The following MED13L variants were observed in gnomAD, a reference collection of about 807,000 sequenced individuals.
MED13L encodes mediator of RNA polymerase II transcription subunit 13-like.
Under a neutral mutation model 220.9 loss-of-function variants are expected in MED13L, and 7 were observed. The observed-to-expected ratio is 0.03, with a 90% CI of 0.02 to 0.06. The LOEUF is 0.06. Ranked by LOEUF, MED13L falls within the 10% of genes least tolerant of loss-of-function variation. The pLI is 1.00. For synonymous variants in MED13L, 1,011 were observed against 1,015.2 expected, an observed-to-expected ratio of 1.00 and a Z score of 0.08; for missense variants, 1,965 against 2,760.5, an observed-to-expected ratio of 0.71 and a Z score of 6.46.
intron 29 of MED13L, among the ~76,000 whole-genome samples, chr12:115,964,387 C>T (rs1875993638): frequency 6.6e-6 from 1 of 152,164 alleles, no homozygotes; most frequent in Admixed American, 6.5e-5. Flanking sequence ...TCTACTGTCC[C>T]ACTTGAAGTC....
intron 2 of MED13L, among the ~76,000 whole-genome samples, chr12:116,141,937 C>T (rs754799273): frequency 1.2e-4 from 19 of 152,236 alleles, no homozygotes; most frequent in Middle Eastern, 3.4e-3. Context: ...CACTGCTCTT[C>T]CCCTTGCCCA....
intron 4 of MED13L, among the ~76,000 whole-genome samples, chr12:116,051,031 T>G (rs974883941): frequency 1.3e-5 from 2 of 152,182 alleles, no homozygotes; most frequent in African/African-American, 4.8e-5. Context: ...TAAATGTATA[T>G]TGTACAAAAC....
chr12:116,263,304 G>A (rs1872628686), intron 1 of MED13L, among the ~76,000 whole-genome samples: 1 of 152,048 alleles, frequency 6.6e-6, no homozygotes, highest in South Asian at 2.1e-4. Flanking sequence ...ATTAAACTAT[G>A]TAATCTGAAG....
At chr12:116,192,534 A>G (rs1881349884) in intron 2 of MED13L, among the ~76,000 whole-genome samples, 1 of 152,212 alleles carries the variant, frequency 6.6e-6, no homozygotes, top group African/African-American at 2.4e-5. Context: ...CTGTAACATC[A>G]TAGGACTTAT....
chr12:116,256,956 T>C (rs1872115164), intron 1 of MED13L, among the ~76,000 whole-genome samples: 1 of 152,230 alleles, frequency 6.6e-6, no homozygotes, highest in Admixed American at 6.5e-5. Context: ...ATTACAGGCA[T>C]GAGCCACCGT....
Position 116,019,260 on chromosome 12 carries a change from G to A in MED13L, c.973C>T (p.Leu325=). The change falls in exon 7 of 31, where the codon CTG becomes TTG. Residue 325 remains leucine, a synonymous_variant. Coordinates refer to ENST00000281928, the MANE Select transcript of MED13L (RefSeq NM_015335.5). Reference sequence around the variant, plus strand: ...TGTTCTGGAGAGGTGGGAGGGGTCAGAGGCATCCCACAGTTACTTGGGTCC... The same window carrying A: ...TGTTCTGGAGAGGTGGGAGGGGTCAAAGGCATCCCACAGTTACTTGGGTCC... ...VKDPSNCGMP[L]TPPTSPEQAI... 3 of 1,613,932 alleles carry A rather than the reference G, an allele frequency of 1.9e-6. No individual in the cohort carries two copies. Among genetic ancestry groups the A allele is most frequent in the Non-Finnish European group, 1.7e-6 (2 of 1,179,936 alleles).
chr12:116,066,940 A>G (rs1869986383), intron 4 of MED13L, among the ~76,000 whole-genome samples: 1 of 152,188 alleles, frequency 6.6e-6, no homozygotes, highest in Non-Finnish European at 1.5e-5. Context: ...TAACAAACAA[A>G]AGCATTACAA....
At chr12:116,097,355 A>T (rs954521755) in intron 3 of MED13L, among the ~76,000 whole-genome samples, 7 of 152,190 alleles carry the variant, frequency 4.6e-5, no homozygotes, top group Admixed American at 4.6e-4. Context: ...CATGTTGGCC[A>T]GGCTGATCTC....
chr12:116,052,098 C>CACAT lies in MED13L; in HGVS notation c.480-29498_480-29497insATGT, dbSNP rs560786268. 3.4e-5 allele frequency among the ~76,000 whole-genome samples: 5 copies of CACAT among 146,240 alleles called. No individual in the cohort carries two copies. In the South Asian group the frequency reaches 1.1e-3, roughly 32 times the overall value. On this transcript the variant is annotated intron_variant, in intron 4 of 30. Transcript: ENST00000281928. The stretch of plus-strand genomic sequence containing the variant: ...ACACATACACACACACACACACACA[C>CACAT]ACACATAAAACTATATAAGAACATT...
intron 2 of MED13L, among the ~76,000 whole-genome samples, chr12:116,219,677 G>A (rs924254482): frequency 1.3e-5 from 2 of 152,136 alleles, no homozygotes; most frequent in Admixed American, 6.5e-5. Context: ...AAATTATTTT[G>A]AGAGTAAAAT....
chr12:116,167,130 AAGAG>A (rs1879337872), intron 2 of MED13L, among the ~76,000 whole-genome samples: 1 of 152,200 alleles, frequency 6.6e-6, no homozygotes, highest in Admixed American at 6.5e-5. Context: ...TGTAAAGATA[AAGAG>A]ATAGACAAAT....
At chr12:116,188,043 T>C (rs1469402178) in intron 2 of MED13L, among the ~76,000 whole-genome samples, 2 of 152,108 alleles carry the variant, frequency 1.3e-5, no homozygotes, top group Non-Finnish European at 2.9e-5. Flanking sequence ...TGGATTTATT[T>C]GTGGTTTTTC....
intron 29 of MED13L, among the ~76,000 whole-genome samples, chr12:115,964,176 G>C (rs564084033): frequency 6.6e-6 from 1 of 152,280 alleles, no homozygotes; most frequent in Admixed American, 6.5e-5. Context: ...AAAGTCAGTA[G>C]ATGTCTCACA....
rs547416392 is a variant in MED13L, at chr12:116,244,348, C to T, written c.73-6643G>A. ...ATAAACATACACATCTGCTTTTGCT[C>T]TCTCCTAAACCCCTGTAAGACATCA... On this transcript the variant is annotated intron_variant, in intron 1 of 30. Coordinates refer to ENST00000281928, the MANE Select transcript of MED13L (RefSeq NM_015335.5). Among the ~76,000 whole-genome samples the T allele has an allele frequency of 1.5e-3, 230 of 152,312 alleles. 2 individuals are homozygous for T. The highest frequency in any genetic ancestry group is 1.3e-3 in the Non-Finnish European group (87 of 68,026).
intron 4 of MED13L, among the ~76,000 whole-genome samples, chr12:116,063,123 C>T (rs938008703): frequency 6.6e-6 from 1 of 152,176 alleles, no homozygotes; most frequent in Non-Finnish European, 1.5e-5. Flanking sequence ...CAATTTAGGG[C>T]ATTTCTGTCT....
In MED13L at chr12:116,007,648, A is replaced by AG; in HGVS notation, c.2013-13_2013-12insC. On this transcript the variant is annotated splice_polypyrimidine_tract_variant and intron_variant, in intron 10 of 30. Coordinates refer to ENST00000281928, the MANE Select transcript of MED13L (RefSeq NM_015335.5). ...GTTGTGCTAAGAGTCTAAAAGACAA[A>AG]AAAAAAAAAAAAAAAAAGAGCATTT... The AG allele has an allele frequency of 1.5e-6, 2 of 1,335,552 alleles. No individual in the cohort carries two copies. Among genetic ancestry groups the AG allele is most frequent in the Non-Finnish European group, 1.0e-6 (1 of 980,660 alleles). 82.7% of individuals were successfully genotyped at this position (1,335,552 alleles called of 1,614,324 possible). A position where few individuals can be genotyped will look rare whatever the true frequency, so the allele number is the denominator to read the frequency against.
At chr12:116,169,640 G>C (rs1206974867) in intron 2 of MED13L, among the ~76,000 whole-genome samples, 1 of 152,162 alleles carries the variant, frequency 6.6e-6, no homozygotes, top group Non-Finnish European at 1.5e-5. Context: ...TCAGTTAATT[G>C]CAGATACCTT....
At chr12:115,986,588 A>T in intron 18 of MED13L, 99 bp from the exon 19 acceptor site, 1 of 1,084,886 alleles carries the variant, frequency 9.2e-7, no homozygotes, top group East Asian at 2.5e-5. Flanking sequence ...CTGGCATCTG[A>T]AATGTCACTC....
At chr12:116,054,558 C>A (rs1321877559) in intron 4 of MED13L, among the ~76,000 whole-genome samples, 3 of 152,156 alleles carry the variant, frequency 2.0e-5, no homozygotes, top group Admixed American at 2.0e-4. Context: ...TACTTTCAAG[C>A]ATAATCAGAA....
Sources: gnomAD v4.1 joint callset for allele counts (sites outside exome capture counted in the v4.1 genomes callset) on GRCh38, gnomAD v4.1.1 for gene constraint, MANE v1.5 for transcripts, NCBI Gene and HGNC (gene_info 2026-07-23, HGNC 2026-07-21) for gene names.